GSTM2: variants seen among roughly 807,000 people sequenced by gnomAD.
GSTM2 encodes the protein GST class-mu 2.
A neutral mutation model predicts 33.3 loss-of-function variants in GSTM2; 33 were observed. The ratio of observed to expected loss-of-function variants is 0.99; its 90% CI spans 0.75 to 1.33. GSTM2 has a LOEUF of 1.33. Among genes scored for constraint, GSTM2 ranks in the 40% most tolerant of loss-of-function variants. The probability of loss-of-function intolerance (pLI) is 0.00; values close to 1 mark genes in which losing one functional copy is unlikely to be tolerated. For synonymous variants in GSTM2, 93 were observed against 95.6 expected, an observed-to-expected ratio of 0.97 and a Z score of 0.16; for missense variants, 213 against 265.8, an observed-to-expected ratio of 0.80 and a Z score of 1.38.
chr1:109,678,601 T>A (rs1389247787), downstream of GSTM2, among the ~76,000 whole-genome samples: 1 of 151,212 alleles, frequency 6.6e-6, no homozygotes, highest in African/African-American at 2.5e-5. Flanking sequence ...TCAAAATTAT[T>A]TTTTTTTGTA....
Position 109,671,547 on chromosome 1 carries a change from C to T in GSTM2, c.531C>T (p.Ala177=). 6.2e-7 allele frequency: 1 copy of T among 1,611,302 alleles called. No homozygotes were observed. Among genetic ancestry groups the T allele is most frequent in the Non-Finnish European group, 8.5e-7 (1 of 1,177,440 alleles). Residue 177 remains alanine (A), a synonymous_variant, in exon 7 of 8, where the codon GCC becomes GCT. Transcript: ENST00000241337. ...TATTTGAGCCCAGCTGCCTGGATGCCTTCCCAAACCTGAAGGACTTCATCT... is the reference window on the plus strand; with the variant it reads ...TATTTGAGCCCAGCTGCCTGGATGCTTTCCCAAACCTGAAGGACTTCATCT... The part of the protein sequence containing the change: ...NQVFEPSCLD[A]FPNLKDFISR...
At chr1:109,677,342 T>C (rs1647730963), downstream of GSTM2, among the ~76,000 whole-genome samples, 1 of 152,152 alleles carries the variant, frequency 6.6e-6, no homozygotes, top group Admixed American at 6.5e-5. Context: ...GAACCAGGTG[T>C]AGTGATGCCA....
rs764211056 is a variant in GSTM2 at position 109,673,100 on chromosome 1, C to G, written c.567+1517C>G. 3.5e-4 allele frequency: 491 copies of G among 1,403,672 alleles called. 1 individual carries two copies. The highest frequency in any genetic ancestry group is 4.6e-4 in the Non-Finnish European group (465 of 1,020,078). 87.0% of individuals were successfully genotyped at this position (1,403,672 alleles called of 1,614,324 possible). ...GGCCAGGCTGGTCTCAAACTCCTGA[C>G]CTCAGGTGATCCACCCACCTCAGCC... On this transcript the variant is annotated intron_variant, in intron 7 of 7. Transcript: ENST00000241337.
intron 5 of GSTM2, chr1:109,670,294 G>C (rs1149177): frequency 2.0e-5 from 3 of 151,412 alleles, no homozygotes; most frequent in Non-Finnish European, 3.0e-5. Flanking sequence ...ACAATCCTTT[G>C]GCTAGGCAGA....
chr1:109,672,105 C>T (rs992897928), intron 7 of GSTM2, among the ~76,000 whole-genome samples: 1 of 149,384 alleles, frequency 6.7e-6, no homozygotes, highest in African/African-American at 2.5e-5. Flanking sequence ...CATGGTGAGA[C>T]CCCTGTCTCT....
At chr1:109,669,426 T>C (rs1274610904) in intron 4 of GSTM2, 45 bp from the exon 5 acceptor site, 1 of 1,613,408 alleles carries the variant, frequency 6.2e-7, no homozygotes, top group Non-Finnish European at 8.5e-7. Flanking sequence ...CTCCTCGGCT[T>C]GGCTGGGCTG....
At chr1:109,669,893 C>T (rs1012540840) in intron 5 of GSTM2, 1 of 289,176 alleles carries the variant, frequency 3.5e-6, no homozygotes, top group South Asian at 6.4e-5. Context: ...GTTGTTTATT[C>T]CTCTTGGTGG....
intron 5 of GSTM2, 119 bp from the exon 6 acceptor site, chr1:109,671,168 C>T: frequency 1.4e-6 from 1 of 727,996 alleles, no homozygotes; most frequent in Admixed American, 1.9e-5. Context: ...GACCCAGTTC[C>T]AGCTGTGGGG....
intron 2 of GSTM2, 144 bp downstream of exon 2, chr1:109,668,644 T>C (rs1198718242): frequency 5.0e-6 from 5 of 997,190 alleles, no homozygotes; most frequent in Non-Finnish European, 7.8e-6. Context: ...GTGAGGGAGC[T>C]CCTTGCAAGG....
chr1:109,677,904 C>T (rs895954711), downstream of GSTM2, among the ~76,000 whole-genome samples: 1 of 152,210 alleles, frequency 6.6e-6, no homozygotes, highest in African/African-American at 2.4e-5. Context: ...AAGATATCAA[C>T]ATCATAAGGG....
At chr1:109,669,910 G>T in intron 5 of GSTM2, 1 of 270,634 alleles carries the variant, frequency 3.7e-6, no homozygotes, top group Non-Finnish European at 7.0e-6. Flanking sequence ...GTGGGTTCAT[G>T]GTCTGGCTGG....
At chr1:109,673,921 C>T (rs1647633386) in intron 7 of GSTM2, among the ~76,000 whole-genome samples, 1 of 152,132 alleles carries the variant, frequency 6.6e-6, no homozygotes, top group Admixed American at 6.5e-5. Context: ...GCATTCAATC[C>T]TGGTAAGATT....
Position 109,669,588 on chromosome 1 carries a change from C to T in GSTM2, c.360+17C>T. 6 of 1,462,298 alleles carry T rather than the reference C, an allele frequency of 4.1e-6. No individual in the cohort carries two copies. Among genetic ancestry groups the T allele is most frequent in the Non-Finnish European group, 5.7e-6 (6 of 1,043,874 alleles). 90.6% of individuals were successfully genotyped at this position (1,462,298 alleles called of 1,614,324 possible). On this transcript the variant is annotated intron_variant, in intron 5 of 7. Coordinates refer to ENST00000241337, the MANE Select transcript of GSTM2 (RefSeq NM_000848.4). ...CCAGATTTTGTAAGTCCCCCCACCC[C>T]ACTCCCAGTCTCCCCTTCCCTACTC...
chr1:109,671,268 C>T lies in GSTM2; in HGVS notation c.361-19C>T, dbSNP rs778649161. The T allele has an allele frequency of 5.7e-6, 9 of 1,576,238 alleles. No homozygotes were observed. Among genetic ancestry groups the T allele is most frequent in the African/African-American group, 1.3e-5 (1 of 74,152 alleles). On this transcript the variant is annotated intron_variant, in intron 5 of 7. Coordinates refer to ENST00000241337, the MANE Select transcript of GSTM2 (RefSeq NM_000848.4). ...GGGAGCTTGTGTCTGAGGGTGTTGA[C>T]AGCTGTTTTCTGCCTCAGGAGAAAC... is the stretch of plus-strand genomic sequence containing the variant.
At chr1:109,673,623 C>T (rs1265859833) in intron 7 of GSTM2, 2 of 230,264 alleles carry the variant, frequency 8.7e-6, no homozygotes, top group African/African-American at 4.6e-5. Context: ...CGTTATGTGC[C>T]AGGGTCAAGC....
Position 109,669,452 on chromosome 1 carries a change from A to T in GSTM2, c.260-19A>T. On this transcript the variant is annotated intron_variant, in intron 4 of 7. Coordinates refer to ENST00000241337, the MANE Select transcript of GSTM2 (RefSeq NM_000848.4). ...GGCTGGGCTGTGAGGCTGAGAGTGAATCTGCTTTACGAGGGTAGGCGGGGA... is the reference window on the plus strand; with the variant it reads ...GGCTGGGCTGTGAGGCTGAGAGTGATTCTGCTTTACGAGGGTAGGCGGGGA... 1 of 1,613,738 alleles carries T rather than the reference A, an allele frequency of 6.2e-7. No individual in the cohort carries two copies. The highest frequency in any genetic ancestry group is 1.1e-5 in the South Asian group (1 of 91,068).
chr1:109,678,542 G>T (rs1375876599), downstream of GSTM2, among the ~76,000 whole-genome samples: 3 of 86,682 alleles, frequency 3.5e-5, no homozygotes, highest in Non-Finnish European at 7.3e-5. Context: ...TCAGGAGATC[G>T]AGACCATCCT....
At position 109,671,875 on chromosome 1, in the gene GSTM2, G is replaced by A. The variant is rs529158532; in HGVS notation, c.567+292G>A. Among the ~76,000 whole-genome samples, 595 of 151,110 alleles carry A rather than the reference G, an allele frequency of 3.9e-3. 4 individuals carry two copies. Among genetic ancestry groups the A allele is most frequent in the African/African-American group, 0.014 (566 of 40,950 alleles). ...AATCCCAGCTACTTGGGAGGCTGAG[G>A]CAGGAGAATCACTTGAACCTGGGAG... is the stretch of plus-strand genomic sequence containing the variant. On this transcript the variant is annotated intron_variant, in intron 7 of 7. Transcript: ENST00000241337.
At chr1:109,679,663 C>T (rs981928928), downstream of GSTM2, among the ~76,000 whole-genome samples, 1 of 152,140 alleles carries the variant, frequency 6.6e-6, no homozygotes, top group African/African-American at 2.4e-5. Flanking sequence ...AAAGAATGAT[C>T]TTGTGGCAGT....
Sources: gnomAD v4.1 joint callset for allele counts (sites outside exome capture counted in the v4.1 genomes callset) on GRCh38, gnomAD v4.1.1 for gene constraint, MANE v1.5 for transcripts, NCBI Gene and HGNC (gene_info 2026-07-23, HGNC 2026-07-21) for gene names.